Variants in ATP6V1H observed in about 807,000 individuals in gnomAD.
ATP6V1H encodes V-type proton ATPase subunit H.
ATP6V1H carries 39 observed loss-of-function variants against 71.7 expected under a neutral mutation model. The ratio of observed to expected loss-of-function variants is 0.54; its 90% CI spans 0.42 to 0.71. The LOEUF (loss-of-function observed/expected upper bound fraction) is 0.71, where lower values mean the gene tolerates loss of function less well. Ranked by LOEUF, ATP6V1H falls within the 30% of genes least tolerant of loss-of-function variation. The pLI, the probability that ATP6V1H is intolerant of heterozygous loss-of-function variation, is 0.00. For synonymous variants in ATP6V1H, 192 were observed against 199.3 expected, an observed-to-expected ratio of 0.96 and a Z score of 0.31; for missense variants, 509 against 594.9, an observed-to-expected ratio of 0.86 and a Z score of 1.50.
At chr8:53,776,740 T>C (rs1186078792) in intron 9 of ATP6V1H, among the ~76,000 whole-genome samples, 3 of 151,976 alleles carry the variant, frequency 2.0e-5, no homozygotes, top group Non-Finnish European at 4.4e-5. Flanking sequence ...ATACCAACCC[T>C]GAGATGAATT....
intron 4 of ATP6V1H, among the ~76,000 whole-genome samples, chr8:53,821,885 G>A (rs537419526): frequency 6.6e-6 from 1 of 152,142 alleles, no homozygotes; most frequent in African/African-American, 2.4e-5. Context: ...AAACTGTAAC[G>A]TAACAATGCA....
intron 11 of ATP6V1H, among the ~76,000 whole-genome samples, chr8:53,759,298 T>G (rs1017274142): frequency 5.3e-5 from 8 of 152,258 alleles, no homozygotes; most frequent in Non-Finnish European, 1.0e-4. Context: ...TTATTAGCTG[T>G]AAACCTGCTG....
chr8:53,772,893 C>A (rs2130324855), intron 9 of ATP6V1H, among the ~76,000 whole-genome samples: 1 of 106,534 alleles, frequency 9.4e-6, no homozygotes, highest in Non-Finnish European at 1.7e-5. Context: ...TTTAAAAAGC[C>A]TATCAAATGC....
intron 11 of ATP6V1H, among the ~76,000 whole-genome samples, chr8:53,765,331 C>T (rs942583919): frequency 2.7e-5 from 4 of 147,624 alleles, no homozygotes; most frequent in African/African-American, 5.0e-5. Context: ...ACCCGGGAGG[C>T]GGAGGCTGCA....
At chr8:53,786,461 G>C (rs1230513249) in intron 9 of ATP6V1H, among the ~76,000 whole-genome samples, 1 of 152,152 alleles carries the variant, frequency 6.6e-6, no homozygotes, top group Non-Finnish European at 1.5e-5. Context: ...CTAGGAAAGG[G>C]AATTCCCTGA....
At chr8:53,783,014 G>T (rs1220588196) in intron 9 of ATP6V1H, among the ~76,000 whole-genome samples, 22 of 150,906 alleles carry the variant, frequency 1.5e-4, no homozygotes, top group South Asian at 2.1e-4. Context: ...TTTTTTTGTT[G>T]TGTCTCTGCC....
intron 6 of ATP6V1H, among the ~76,000 whole-genome samples, chr8:53,811,438 C>A (rs936395731): frequency 1.3e-5 from 2 of 152,032 alleles, no homozygotes; most frequent in African/African-American, 4.8e-5. Context: ...CAGTAAGTAG[C>A]TAAAAATGGA....
intron 3 of ATP6V1H, among the ~76,000 whole-genome samples, chr8:53,830,861 G>GA (rs1024025502): frequency 1.3e-5 from 2 of 152,182 alleles, no homozygotes; most frequent in Non-Finnish European, 2.9e-5. Flanking sequence ...TGTATGTGCT[G>GA]AAAAAACAGT....
intron 9 of ATP6V1H, among the ~76,000 whole-genome samples, chr8:53,786,473 C>A (rs1015875538): frequency 6.6e-6 from 1 of 152,110 alleles, no homozygotes; most frequent in Non-Finnish European, 1.5e-5. Context: ...ATTCCCTGAC[C>A]CCTTGCAGTT....
At chr8:53,739,316 C>T (rs1371782221) in intron 13 of ATP6V1H, among the ~76,000 whole-genome samples, 2 of 151,996 alleles carry the variant, frequency 1.3e-5, no homozygotes, top group Non-Finnish European at 2.9e-5. Flanking sequence ...ATTTTAATCA[C>T]TGTATTTATG....
At chr8:53,793,979 G>A (rs908517823) in intron 9 of ATP6V1H, among the ~76,000 whole-genome samples, 26 of 151,944 alleles carry the variant, frequency 1.7e-4, no homozygotes, top group African/African-American at 6.0e-4. Context: ...CATTTGACTC[G>A]GCAGTTCCAT....
intron 9 of ATP6V1H, among the ~76,000 whole-genome samples, chr8:53,790,356 C>T (rs556652735): frequency 8.5e-5 from 13 of 152,216 alleles, no homozygotes; most frequent in African/African-American, 2.2e-4. Flanking sequence ...TATATGAACC[C>T]AGTGTTCACA....
intron 4 of ATP6V1H, among the ~76,000 whole-genome samples, chr8:53,817,895 G>C (rs995020241): frequency 1.3e-5 from 2 of 152,022 alleles, no homozygotes; most frequent in African/African-American, 4.8e-5. Flanking sequence ...ATCGGAAAGG[G>C]AGCAGGAAGA....
At chr8:53,742,832 G>A (rs934829165) in intron 13 of ATP6V1H, among the ~76,000 whole-genome samples, 3 of 152,166 alleles carry the variant, frequency 2.0e-5, no homozygotes, top group African/African-American at 7.2e-5. Context: ...ATGTATATTT[G>A]TTCCTGATGC....
intron 8 of ATP6V1H, among the ~76,000 whole-genome samples, chr8:53,798,727 A>G (rs1809822250): frequency 6.6e-6 from 1 of 152,338 alleles, no homozygotes; most frequent in South Asian, 2.1e-4. Flanking sequence ...TGAAATTGCT[A>G]TACTTTCAGC....
chr8:53,781,695 T>A (rs1809141600), intron 9 of ATP6V1H, among the ~76,000 whole-genome samples: 1 of 152,076 alleles, frequency 6.6e-6, no homozygotes, highest in East Asian at 1.9e-4. Context: ...AAGTCTTTAA[T>A]CCATCTTGAA....
intron 13 of ATP6V1H, among the ~76,000 whole-genome samples, chr8:53,738,515 T>C (rs1807306789): frequency 6.6e-6 from 1 of 152,236 alleles, no homozygotes; most frequent in Non-Finnish European, 1.5e-5. Context: ...TTTAGGTACC[T>C]GTTTGTCTAC....
chr8:53,755,615 G>A (rs1334048682), intron 12 of ATP6V1H, among the ~76,000 whole-genome samples: 6 of 134,502 alleles, frequency 4.5e-5, no homozygotes, highest in South Asian at 4.9e-4. Context: ...GCCAGTGCTC[G>A]CAAAATGGCT....
chr8:53,839,495 C>T (rs1397903756), intron 2 of ATP6V1H: 9 of 635,660 alleles, frequency 1.4e-5, no homozygotes, highest in Non-Finnish European at 1.6e-5. Flanking sequence ...TCATCCAAGA[C>T]TTCTCTTTCA....
Sources: allele counts gnomAD v4.1 joint callset (sites outside exome capture counted in the v4.1 genomes callset), GRCh38; gene constraint gnomAD v4.1.1; transcripts MANE v1.5; gene names NCBI Gene and HGNC (gene_info 2026-07-23, HGNC 2026-07-21).